TCF4: variants seen among roughly 807,000 people sequenced by gnomAD.
TCF4 encodes the protein transcription factor 4, also known as SL3-3 enhancer factor 2.
In TCF4, 3 loss-of-function variants were observed where a neutral mutation model predicts 82.1. That is an observed-to-expected ratio of 0.04 (90% CI 0.02 to 0.09). TCF4 has a LOEUF of 0.09. Ranked by LOEUF, TCF4 falls within the 10% of genes least tolerant of loss-of-function variation. The pLI is 1.00. For missense variants in TCF4, 518 were observed against 852.7 expected (o/e 0.61, Z 4.89); for synonymous variants, 276 against 309.6 (o/e 0.89, Z 1.14).
At chr18:55,356,335 T>C (rs1178925154) in intron 6 of TCF4, among the ~76,000 whole-genome samples, 1 of 152,196 alleles carries the variant, frequency 6.6e-6, no homozygotes, top group Non-Finnish European at 1.5e-5. Flanking sequence ...ACAAAGATGA[T>C]AGCCTTATGG....
intron 8 of TCF4, chr18:55,321,334 G>T: frequency 6.7e-6 from 2 of 297,490 alleles, no homozygotes; most frequent in South Asian, 5.1e-5. Flanking sequence ...CAGTCATTTG[G>T]AAGGAATAAG....
rs192982166 is a variant in TCF4 at position 55,618,520 on chromosome 18, A to T, written c.286+12778T>A. 2.1e-3 allele frequency among the ~76,000 whole-genome samples: 310 copies of T among 151,062 alleles called. 1 individual carries two copies. The highest frequency in any genetic ancestry group is 7.2e-3 in the African/African-American group (298 of 41,248). On this transcript the variant is annotated intron_variant, in intron 2 of 20. Coordinates refer to the TCF4 transcript ENST00000398339. ...GTCTATCTAAGGGTTTGTCAATTTT[A>T]TCTTTTTAAAACATCAACTCAATTT...
At chr18:55,407,208 T>G (rs1004232515) in intron 5 of TCF4, among the ~76,000 whole-genome samples, 1 of 152,054 alleles carries the variant, frequency 6.6e-6, no homozygotes, top group Admixed American at 6.6e-5. Context: ...GTGCATGAAA[T>G]GAATATGACC....
At chr18:55,285,085 T>G (rs1449552167) in intron 8 of TCF4, among the ~76,000 whole-genome samples, 1 of 152,176 alleles carries the variant, frequency 6.6e-6, no homozygotes, top group East Asian at 1.9e-4. Context: ...TCAGAAGAGA[T>G]AAGATGGACC....
chr18:55,425,431 T>C (rs1346080762), intron 5 of TCF4, among the ~76,000 whole-genome samples: 1 of 151,748 alleles, frequency 6.6e-6, no homozygotes, highest in African/African-American at 2.4e-5. Flanking sequence ...TTTTAAGTAT[T>C]GAATGAATCT....
chr18:55,380,630 C>T (rs182960295), intron 6 of TCF4, among the ~76,000 whole-genome samples: 3 of 152,276 alleles, frequency 2.0e-5, no homozygotes, highest in East Asian at 1.9e-4. Context: ...AAAAGAGTAA[C>T]GGAAATGTCA....
At chr18:55,551,926 GCC>G (rs1416757950) in intron 3 of TCF4, among the ~76,000 whole-genome samples, 4 of 152,056 alleles carry the variant, frequency 2.6e-5, no homozygotes, top group African/African-American at 9.7e-5. Flanking sequence ...GCTGAATTAG[GCC>G]CCAGACTGGT....
rs2144193780 is a variant in TCF4 at position 55,222,234 on chromosome 18, A to G, written c.*5801T>C. ...GGTCCTCTAAAAGAGAACAATGTTA[A>G]TAGACACTACACAAGATACTGTAGG... is the stretch of plus-strand genomic sequence containing the variant. On this transcript the variant is annotated 3_prime_UTR_variant, in exon 20 of 20. Transcript: ENST00000354452. The G allele has an allele frequency of 6.6e-6, 1 of 152,348 alleles. No individual in the cohort carries two copies. Among genetic ancestry groups the G allele is most frequent in the South Asian group, 2.1e-4 (1 of 4,828 alleles). 9.4% of individuals were successfully genotyped at this position (152,348 alleles called of 1,614,324 possible).
intron 10 of TCF4, among the ~76,000 whole-genome samples, chr18:55,272,136 G>C (rs1200710136): frequency 6.6e-6 from 1 of 152,014 alleles, no homozygotes; most frequent in Admixed American, 6.6e-5. Flanking sequence ...AAGGGTTAAC[G>C]CTGAGTTCAC....
intron 2 of TCF4, among the ~76,000 whole-genome samples, chr18:55,628,429 AC>A (rs1340282340): frequency 8.5e-5 from 13 of 152,282 alleles, no homozygotes; most frequent in African/African-American, 3.1e-4. Flanking sequence ...TTTTAAAAAA[AC>A]TTTTTAAAAA....
chr18:55,348,420 G>C (rs2081637472), intron 8 of TCF4, among the ~76,000 whole-genome samples: 1 of 152,070 alleles, frequency 6.6e-6, no homozygotes, highest in African/African-American at 2.4e-5. Flanking sequence ...CTTCTAAGAA[G>C]AGTAAATCCT....
chr18:55,402,116 C>A (rs1311794739), intron 6 of TCF4: 1 of 985,312 alleles, frequency 1.0e-6, no homozygotes, highest in East Asian at 1.1e-4. Context: ...AGAATTCTTT[C>A]CAAACAAACT....
chr18:55,309,638 CTTTAT>C (rs1488766315), intron 8 of TCF4, among the ~76,000 whole-genome samples: 10 of 152,158 alleles, frequency 6.6e-5, no homozygotes, highest in East Asian at 3.8e-4. Flanking sequence ...TTTCTGTAAG[CTTTAT>C]TTTAACTGTA....
intron 2 of TCF4, among the ~76,000 whole-genome samples, chr18:55,624,267 A>C (rs1345806831): frequency 6.6e-6 from 1 of 151,868 alleles, no homozygotes; most frequent in African/African-American, 2.4e-5. Flanking sequence ...ATTGTATTTG[A>C]AGAGACCTCC....
chr18:55,325,303 T>G (rs1431633916), intron 8 of TCF4, among the ~76,000 whole-genome samples: 1 of 152,032 alleles, frequency 6.6e-6, no homozygotes, highest in African/African-American at 2.4e-5. Flanking sequence ...AGAGAGAAAA[T>G]ATGACTAAAG....
chr18:55,523,394 C>T (rs2096949609), intron 3 of TCF4, among the ~76,000 whole-genome samples: 1 of 151,846 alleles, frequency 6.6e-6, no homozygotes, highest in African/African-American at 2.4e-5. Flanking sequence ...AACACTACAG[C>T]ACACATAACC....
At chr18:55,411,783 G>A (rs898144660) in intron 5 of TCF4, among the ~76,000 whole-genome samples, 1 of 151,866 alleles carries the variant, frequency 6.6e-6, no homozygotes, top group Admixed American at 6.6e-5. Flanking sequence ...CTGTTGCCCA[G>A]GCTGGAGTAC....
At chr18:55,431,973 A>C (rs561780630) in intron 5 of TCF4, among the ~76,000 whole-genome samples, 1 of 152,296 alleles carries the variant, frequency 6.6e-6, no homozygotes, top group Non-Finnish European at 1.5e-5. Context: ...GTAATAGCAC[A>C]GTGCAATGGG....
chr18:55,371,902 T>C (rs2089326839), intron 6 of TCF4, among the ~76,000 whole-genome samples: 1 of 152,178 alleles, frequency 6.6e-6, no homozygotes, highest in Admixed American at 6.5e-5. Flanking sequence ...ACATAGCAGA[T>C]GATGCAAATT....
Sources: gnomAD v4.1 joint callset for allele counts (sites outside exome capture counted in the v4.1 genomes callset) on GRCh38, gnomAD v4.1.1 for gene constraint, MANE v1.5 for transcripts, NCBI Gene and HGNC (gene_info 2026-07-23, HGNC 2026-07-21) for gene names.